The following EPHA4 variants were observed in gnomAD, a reference collection of about 807,000 sequenced individuals.
EPHA4 encodes the protein EPH receptor A4, also known as ephrin type-A receptor 4.
Under a neutral mutation model 108.3 loss-of-function variants are expected in EPHA4, and 19 were observed. The observed-to-expected ratio is 0.18, with a 90% CI of 0.12 to 0.26. EPHA4 has a LOEUF of 0.26. Ranked by LOEUF, EPHA4 falls within the 10% of genes least tolerant of loss-of-function variation. The pLI, the probability that EPHA4 is intolerant of heterozygous loss-of-function variation, is 1.00. For synonymous variants in EPHA4, 449 were observed against 455.5 expected (o/e 0.99, Z 0.18); for missense variants, 917 against 1,254.0 (o/e 0.73, Z 4.06).
In EPHA4 at chr2:221,419,314, G is replaced by C. The variant is rs13433079; in HGVS notation, c.*2058C>G. The C allele has an allele frequency of 0.16, 25,138 of 152,624 alleles. 2,323 individuals are homozygous for C. The highest frequency in any genetic ancestry group is 0.22 in the African/African-American group (9,159 of 41,506). The allele number at this position is 152,624 out of a possible 1,614,324, so 9.5% of individuals were successfully genotyped here. A position where few individuals can be genotyped will look rare whatever the true frequency, so the allele number is the denominator to read the frequency against. On this transcript the variant is annotated 3_prime_UTR_variant, in exon 18 of 18. Transcript: ENST00000281821. ...AGAACTTTCCAGGTAATTAGGGAAT[G>C]TGAAATTGCCTGAGGCCATTTCATC...
intron 15 of EPHA4, among the ~76,000 whole-genome samples, 162 bp downstream of exon 15, chr2:221,429,796 G>A (rs1022030781): frequency 6.6e-6 from 1 of 152,070 alleles, no homozygotes; most frequent in Non-Finnish European, 1.5e-5. Context: ...ATGCTGAATA[G>A]AACTACCTGA....
upstream of EPHA4, chr2:221,572,519 C>T (rs1238065754): frequency 2.0e-4 from 51 of 248,932 alleles, no homozygotes; most frequent in Non-Finnish European, 1.5e-5. Context: ...ACGGCCGGTC[C>T]CCGCCCCCGC....
At chr2:221,550,121 T>C (rs1355125747) in intron 3 of EPHA4, among the ~76,000 whole-genome samples, 1 of 152,196 alleles carries the variant, frequency 6.6e-6, no homozygotes, top group Non-Finnish European at 1.5e-5. Context: ...AAAGAACTTA[T>C]CCACTACGCT....
Position 221,446,133 on chromosome 2 carries a change from A to C in EPHA4, c.1764T>G (p.His588Gln), listed in dbSNP as rs780293673. ...KAKQEADEEK[H>Q]LNQGVRTYVD... The stretch of plus-strand genomic sequence containing the variant: ...TCCAATTTTTTGTACCTTGATTCAA[A>C]TGTTTCTCTTCATCCGCTTCTTGTT... Residue 588 changes from histidine to glutamine, a missense_variant, in exon 9 of 18, where the codon CAT becomes CAG. By Grantham distance (24) the His-to-Gln change is conservative. Transcript: ENST00000281821. The C allele has an allele frequency of 6.5e-7, 1 of 1,542,230 alleles. No homozygotes were observed. The highest frequency in any genetic ancestry group is 8.7e-7 in the Non-Finnish European group (1 of 1,146,628).
chr2:221,471,445 C>A (rs1047469573), intron 5 of EPHA4, among the ~76,000 whole-genome samples: 3 of 151,988 alleles, frequency 2.0e-5, no homozygotes, highest in Non-Finnish European at 2.9e-5. Context: ...AGCATGATAT[C>A]TAAGAAAGAC....
At chr2:221,462,399 A>T (rs889240360) in intron 5 of EPHA4, among the ~76,000 whole-genome samples, 8 of 151,538 alleles carry the variant, frequency 5.3e-5, no homozygotes, top group African/African-American at 1.9e-4. Context: ...CCCTAAGGAG[A>T]TTTCAGCAGT....
chr2:221,447,765 A>G (rs1690638046), intron 8 of EPHA4, among the ~76,000 whole-genome samples: 1 of 152,174 alleles, frequency 6.6e-6, no homozygotes, highest in Non-Finnish European at 1.5e-5. Flanking sequence ...ACAGTATTTC[A>G]GTCCCAAATC....
chr2:221,487,153 G>A (rs893647490), intron 4 of EPHA4, among the ~76,000 whole-genome samples: 1 of 152,056 alleles, frequency 6.6e-6, no homozygotes, highest in African/African-American at 2.4e-5. Context: ...AAACATTTAT[G>A]GTGTATCTAG....
At chr2:221,503,231 A>G (rs1692530465) in intron 3 of EPHA4, among the ~76,000 whole-genome samples, 1 of 152,246 alleles carries the variant, frequency 6.6e-6, no homozygotes. Context: ...GAATGTTTGC[A>G]GAAAACTGCA....
chr2:221,515,075 A>G (rs114565943), intron 3 of EPHA4, among the ~76,000 whole-genome samples: 184 of 152,266 alleles, frequency 1.2e-3, no homozygotes, highest in African/African-American at 4.3e-3. Flanking sequence ...CTAGGATTCT[A>G]TTTACAAGAT....
intron 4 of EPHA4, among the ~76,000 whole-genome samples, chr2:221,484,745 T>C (rs1004882870): frequency 2.0e-5 from 3 of 152,204 alleles, no homozygotes; most frequent in Non-Finnish European, 4.4e-5. Flanking sequence ...ATCTGGAAAG[T>C]AAATCTAATA....
chr2:221,474,801 G>C (rs190532682), intron 5 of EPHA4, among the ~76,000 whole-genome samples: 1 of 152,138 alleles, frequency 6.6e-6, no homozygotes, highest in Non-Finnish European at 1.5e-5. Context: ...AAAATAACAC[G>C]ATTTACTGGA....
chr2:221,494,025 C>T (rs1692234288), intron 4 of EPHA4, among the ~76,000 whole-genome samples: 1 of 152,164 alleles, frequency 6.6e-6, no homozygotes, highest in South Asian at 2.1e-4. Context: ...TTCGTAAAGG[C>T]CCTTCAAGTT....
intron 5 of EPHA4, among the ~76,000 whole-genome samples, chr2:221,479,359 G>A (rs553531914): frequency 1.4e-4 from 21 of 152,308 alleles, no homozygotes; most frequent in Admixed American, 5.2e-4. Context: ...CAGGTTTTGC[G>A]TGATTGATTT....
upstream of EPHA4, chr2:221,573,468 G>A (rs1694909588): frequency 6.6e-6 from 1 of 152,278 alleles, no homozygotes; most frequent in Non-Finnish European, 1.5e-5. The surrounding 1 kb of genome is among the most constrained non-coding windows in gnomAD (Gnocchi z 4.5). Context: ...CGGTGTCCCA[G>A]GGACCGGTCC....
intron 4 of EPHA4, among the ~76,000 whole-genome samples, chr2:221,493,657 C>T (rs1004945979): frequency 3.9e-5 from 6 of 152,016 alleles, no homozygotes; most frequent in Admixed American, 1.3e-4. Flanking sequence ...GCATTAGCAG[C>T]GAGGGCTTTG....
rs756679706 is a variant in EPHA4 at position 221,442,830 on chromosome 2, T to C, written c.2073A>G (p.Lys691=). The change falls in exon 11 of 18, where the codon AAA becomes AAG. Residue 691 remains lysine (K), a splice_region_variant and synonymous_variant. Transcript: ENST00000281821. The part of the protein sequence containing the change: ...NIIHLEGVVT[K]CKPVMIITEY... Reference sequence around the variant, plus strand: ...TTGTAAAGGGGGTGACCCACGTACATTTAGTGACCACGCCTTCCAAGTGAA... The same window carrying C: ...TTGTAAAGGGGGTGACCCACGTACACTTAGTGACCACGCCTTCCAAGTGAA... 1.2e-5 allele frequency: 19 copies of C among 1,614,146 alleles called. 2 individuals carry two copies. In the South Asian group the frequency reaches 2.1e-4, roughly 18 times the overall value.
At chr2:221,471,587 G>A (rs750044478) in intron 5 of EPHA4, among the ~76,000 whole-genome samples, 1 of 151,290 alleles carries the variant, frequency 6.6e-6, no homozygotes, top group African/African-American at 2.4e-5. Flanking sequence ...CAACAAACAC[G>A]TACAGTTAAG....
At chr2:221,447,478 C>G (rs927963899) in intron 8 of EPHA4, among the ~76,000 whole-genome samples, 1 of 152,180 alleles carries the variant, frequency 6.6e-6, no homozygotes, top group Non-Finnish European at 1.5e-5. Flanking sequence ...ACCAGAGAGG[C>G]AGCGGATCCC....
Sources: gnomAD v4.1 joint callset for allele counts (sites outside exome capture counted in the v4.1 genomes callset) on GRCh38, gnomAD v4.1.1 for gene constraint, Gnocchi (gnomAD v3.1) non-coding constraint, MANE v1.5 for transcripts, NCBI Gene and HGNC (gene_info 2026-07-23, HGNC 2026-07-21) for gene names.